The following FGF13 variants were observed in gnomAD, a reference collection of about 807,000 sequenced individuals.
FGF13 encodes the protein fibroblast growth factor 13.
FGF13 carries 2 observed loss-of-function variants against 19.5 expected under a neutral mutation model. The ratio of observed to expected loss-of-function variants is 0.10; its 90% CI spans 0.04 to 0.32. The LOEUF (loss-of-function observed/expected upper bound fraction) is 0.32. Among genes scored for constraint, FGF13 ranks in the 10% least tolerant of loss-of-function variants. The probability of loss-of-function intolerance (pLI) is 1.00; values close to 1 mark genes in which losing one functional copy is unlikely to be tolerated. For synonymous variants in FGF13, 72 were observed against 76.9 expected (o/e 0.94, Z 0.33); for missense variants, 113 against 192.7 (o/e 0.59, Z 2.45).
intron 3 of FGF13, chrX:138,667,857 C>T (rs938984838): frequency 2.2e-5 from 6 of 273,127 alleles, no homozygotes; most frequent in Admixed American, 3.9e-5. Flanking sequence ...AAATGGATGG[C>T]TCGTTGAGTT....
chrX:139,102,148 T>G (rs187781336), intron 1 of FGF13, among the ~76,000 whole-genome samples: 1 of 112,462 alleles, frequency 8.9e-6, no homozygotes, highest in Admixed American at 9.4e-5. Flanking sequence ...TGATAATTAT[T>G]ATAAAACAGC....
chrX:139,172,091 T>C (rs1309888538), intron 1 of FGF13, among the ~76,000 whole-genome samples: 2 of 112,246 alleles, frequency 1.8e-5, no homozygotes, highest in African/African-American at 6.5e-5. Flanking sequence ...CATCAAGATA[T>C]GATTTCAACA....
intron 1 of FGF13, among the ~76,000 whole-genome samples, chrX:139,162,749 C>T (rs1383167018): frequency 8.9e-6 from 1 of 112,240 alleles, no homozygotes; most frequent in Non-Finnish European, 1.9e-5. Context: ...ACAGACACTT[C>T]TCAAAAGAAG....
chrX:139,028,616 TGAGAGAGAGA>T (rs769711673), intron 1 of FGF13, among the ~76,000 whole-genome samples: 2 of 74,317 alleles, frequency 2.7e-5, no homozygotes, highest in African/African-American at 5.5e-5. Context: ...TGTGTGTGTG[TGAGAGAGAGA>T]GAGAGAGAGT....
At chrX:139,115,618 G>A (rs891220696) in intron 1 of FGF13, among the ~76,000 whole-genome samples, 14 of 112,219 alleles carry the variant, frequency 1.2e-4, no homozygotes, top group African/African-American at 3.9e-4. Flanking sequence ...CTCACCTCCA[G>A]ACATCTTTCA....
At chrX:138,891,115 C>T (rs765495320) in intron 1 of FGF13, among the ~76,000 whole-genome samples, 13 of 111,474 alleles carry the variant, frequency 1.2e-4, no homozygotes, top group East Asian at 5.7e-4. Context: ...CACGGTGAAA[C>T]CCCGTCTCTA....
intron 1 of FGF13, among the ~76,000 whole-genome samples, chrX:139,007,893 T>A (rs1174937887): frequency 8.9e-6 from 1 of 112,538 alleles, no homozygotes; most frequent in African/African-American, 3.2e-5. Flanking sequence ...AGGTTTGTGA[T>A]CTGGGGTAAG....
At chrX:139,061,031 T>C (rs1052166185) in intron 1 of FGF13, among the ~76,000 whole-genome samples, 1 of 111,690 alleles carries the variant, frequency 9.0e-6, no homozygotes, top group African/African-American at 3.3e-5. Flanking sequence ...TCTTTAGTAA[T>C]TCAGAACTTA....
intron 1 of FGF13, among the ~76,000 whole-genome samples, chrX:138,963,001 CAAAAA>C (rs1035719044): frequency 1.8e-5 from 2 of 109,598 alleles, no homozygotes; most frequent in African/African-American, 6.8e-5. Flanking sequence ...TAATAAAAAA[CAAAAA>C]AGAAAAAAAA....
chrX:138,671,430 CATTG>C (rs1205968608), intron 3 of FGF13, among the ~76,000 whole-genome samples: 1 of 111,808 alleles, frequency 8.9e-6, no homozygotes, highest in Admixed American at 9.5e-5. Flanking sequence ...TTATCCATTA[CATTG>C]ATTGAGTTTA....
At position 138,624,564 on chromosome X, in the gene FGF13, A is replaced by T. The variant is rs1168411027; in HGVS notation, c.*8286T>A. 1 of 110,025 alleles carries T rather than the reference A, an allele frequency of 9.1e-6. No homozygotes were observed. The highest frequency in any genetic ancestry group is 1.9e-5 in the Non-Finnish European group (1 of 51,839). The allele number at this position is 110,025 out of a possible 1,213,427, so 9.1% of individuals were successfully genotyped here. ...ACATGCAACAAAGTAAAAATAAACA[A>T]GTCAGACTACATTAAATTAAAAAGT... On this transcript the variant is annotated 3_prime_UTR_variant, in exon 5 of 5. Transcript: ENST00000315930.
chrX:138,811,353 C>A (rs1236694900), intron 3 of FGF13, among the ~76,000 whole-genome samples: 6 of 110,721 alleles, frequency 5.4e-5, no homozygotes, highest in Non-Finnish European at 9.4e-5. Flanking sequence ...GGACAAAAAA[C>A]CAAACACCAC....
chrX:138,984,588 A>AAGAAGAAGAAGG (rs2091982501), intron 1 of FGF13, among the ~76,000 whole-genome samples: 11 of 11,505 alleles, frequency 9.6e-4, no homozygotes, highest in South Asian at 5.0e-3. Context: ...GAAGAAGAAG[A>AAGAAGAAGAAGG]AGGAGGAGGA....
chrX:138,700,659 T>C (rs1315702550), intron 3 of FGF13, among the ~76,000 whole-genome samples: 3 of 111,772 alleles, frequency 2.7e-5, no homozygotes, highest in Non-Finnish European at 5.6e-5. Context: ...AGGATTCTGA[T>C]TTATTTCCTG....
At chrX:138,758,999 C>T (rs1018160297) in intron 3 of FGF13, among the ~76,000 whole-genome samples, 2 of 112,108 alleles carry the variant, frequency 1.8e-5, no homozygotes, top group African/African-American at 3.2e-5. Context: ...TTTCCTTGAA[C>T]GACAACTCCT....
intron 1 of FGF13, among the ~76,000 whole-genome samples, chrX:139,114,859 G>A (rs2083628043): frequency 1.8e-5 from 2 of 111,801 alleles, no homozygotes; most frequent in South Asian, 7.4e-4. Context: ...CTATAACAGT[G>A]CTTTACTTAT....
At chrX:138,780,761 C>A (rs1016276011) in intron 3 of FGF13, among the ~76,000 whole-genome samples, 2 of 110,573 alleles carry the variant, frequency 1.8e-5, no homozygotes, top group Admixed American at 9.7e-5. Context: ...ATCCACGAGA[C>A]GGAAAGTCAA....
At chrX:139,024,975 T>A (rs2092195452) in intron 1 of FGF13, among the ~76,000 whole-genome samples, 1 of 111,110 alleles carries the variant, frequency 9.0e-6, no homozygotes, top group African/African-American at 3.3e-5. Flanking sequence ...TACCCCATCC[T>A]GTCATCACTC....
chrX:138,643,596 G>A, intron 3 of FGF13, among the ~76,000 whole-genome samples: 2 of 111,916 alleles, frequency 1.8e-5, no homozygotes, highest in Non-Finnish European at 3.8e-5. Flanking sequence ...AATCCAATTA[G>A]GTGGCAGAGG....
Sources: gnomAD v4.1 joint callset for allele counts (sites outside exome capture counted in the v4.1 genomes callset) on GRCh38, gnomAD v4.1.1 for gene constraint, MANE v1.5 for transcripts, NCBI Gene and HGNC (gene_info 2026-07-23, HGNC 2026-07-21) for gene names.